Variants in RIT2 observed in about 807,000 individuals in gnomAD.
RIT2 encodes GTP-binding protein Rit2.
In RIT2, 24 loss-of-function variants were observed where a neutral mutation model predicts 23.7. That is an observed-to-expected ratio of 1.01 (90% CI 0.73 to 1.43). The LOEUF (loss-of-function observed/expected upper bound fraction) is 1.43, where lower values mean the gene tolerates loss of function less well. RIT2 is among the 40% of genes most tolerant of loss of function. The probability of loss-of-function intolerance (pLI) is 0.00; values close to 1 mark genes in which losing one functional copy is unlikely to be tolerated. For missense variants in RIT2, 236 were observed against 266.9 expected (o/e 0.88, Z 0.81); for synonymous variants, 107 against 91.1 (o/e 1.17, Z -0.99).
chr18:42,971,552 T>C (rs1910361614), intron 3 of RIT2, among the ~76,000 whole-genome samples: 1 of 152,080 alleles, frequency 6.6e-6, no homozygotes, highest in South Asian at 2.1e-4. Context: ...TAATATTCTG[T>C]ATTGCTCAGC....
intron 4 of RIT2, among the ~76,000 whole-genome samples, chr18:42,836,771 A>T (rs58923762): frequency 6.6e-6 from 1 of 152,154 alleles, no homozygotes; most frequent in Admixed American, 6.6e-5. Context: ...CCTGTTTCCC[A>T]TCTCCCTTCA....
At chr18:42,836,886 T>C (rs1906619548) in intron 4 of RIT2, among the ~76,000 whole-genome samples, 2 of 152,078 alleles carry the variant, frequency 1.3e-5, no homozygotes. Context: ...CTCTCGAGAA[T>C]ACTGCTCCTG....
In RIT2 at chr18:42,923,656, T is replaced by C. The variant is rs866470749; in HGVS notation, c.342A>G (p.Lys114=). Residue 114 remains lysine (K), a synonymous_variant, in exon 4 of 5, where the codon AAA becomes AAG. Coordinates refer to ENST00000326695, the MANE Select transcript of RIT2 (RefSeq NM_002930.4). ...TGTGGCGGACCTGAAAAATGAGCTC[T>C]TTAAACTTGGCAGCCTCCTGAAATG... The part of the protein sequence containing the change: ...RQSFQEAAKF[K]ELIFQVRHTY... 16 of 1,613,386 alleles carry C rather than the reference T, an allele frequency of 9.9e-6. No individual in the cohort carries two copies. In the African/African-American group the frequency reaches 2.1e-4, roughly 22 times the overall value.
chr18:42,966,392 A>G (rs565350759), intron 3 of RIT2, among the ~76,000 whole-genome samples: 5 of 152,172 alleles, frequency 3.3e-5, no homozygotes, highest in Non-Finnish European at 7.4e-5. Flanking sequence ...TACTTTAGAG[A>G]ATCTTGGTAG....
intron 2 of RIT2, among the ~76,000 whole-genome samples, chr18:43,021,275 C>T (rs961719315): frequency 1.1e-4 from 17 of 151,852 alleles, no homozygotes; most frequent in Admixed American, 8.5e-4. Context: ...AAGAAGTATA[C>T]GAAGAAATGC....
intron 4 of RIT2, among the ~76,000 whole-genome samples, chr18:42,769,601 C>T (rs1398139297): frequency 6.6e-6 from 1 of 151,882 alleles, no homozygotes; most frequent in Non-Finnish European, 1.5e-5. Flanking sequence ...AAAGCAAAAA[C>T]AAAAATTTTG....
chr18:42,925,334 G>C (rs534879003), intron 3 of RIT2, among the ~76,000 whole-genome samples: 79 of 152,004 alleles, frequency 5.2e-4, no homozygotes, highest in Non-Finnish European at 9.3e-4. Context: ...TAATTGACAG[G>C]ACTTGACTAG....
chr18:42,995,143 T>C (rs1043576233), intron 2 of RIT2, among the ~76,000 whole-genome samples: 8 of 152,190 alleles, frequency 5.3e-5, no homozygotes, highest in Non-Finnish European at 1.5e-5. Context: ...AGGCAGGCTA[T>C]GCTACAGTAC....
At chr18:43,050,830 A>G (rs540543771) in intron 1 of RIT2, among the ~76,000 whole-genome samples, 2 of 152,256 alleles carry the variant, frequency 1.3e-5, no homozygotes, top group Non-Finnish European at 1.5e-5. Context: ...CCTGGAGGAC[A>G]GCACACCGAG....
At position 42,856,930 on chromosome 18, in the gene RIT2, G is replaced by T. The variant is rs572633860; in HGVS notation, c.426+66642C>A. Among the ~76,000 whole-genome samples the T allele has an allele frequency of 1.2e-3, 169 of 145,572 alleles. 1 individual carries two copies. The highest frequency in any genetic ancestry group is 6.9e-3 in the Admixed American group (96 of 13,872). On this transcript the variant is annotated intron_variant, in intron 4 of 4. Transcript: ENST00000326695. ...CTGAAAGCTCCGCCTCCCAGTTCAC[G>T]CTGTTCTCCTGCCTCAGCCTCCGGA...
chr18:42,938,517 G>A (rs1909517515), intron 3 of RIT2, among the ~76,000 whole-genome samples: 1 of 152,044 alleles, frequency 6.6e-6, no homozygotes, highest in Admixed American at 6.6e-5. Context: ...GTCCTTTAAA[G>A]CTGTTGAAGG....
At chr18:43,059,342 G>A (rs948878126) in intron 1 of RIT2, among the ~76,000 whole-genome samples, 2 of 152,074 alleles carry the variant, frequency 1.3e-5, no homozygotes, top group Admixed American at 6.6e-5. Context: ...GCTATCATAA[G>A]GTAGAAGCAG....
chr18:42,995,836 C>A (rs975671861), intron 2 of RIT2, among the ~76,000 whole-genome samples: 10 of 152,140 alleles, frequency 6.6e-5, no homozygotes, highest in African/African-American at 2.2e-4. Context: ...AACTTGTCAT[C>A]TCTACTATCT....
At chr18:42,767,887 C>T (rs1913461892) in intron 4 of RIT2, among the ~76,000 whole-genome samples, 1 of 152,064 alleles carries the variant, frequency 6.6e-6, no homozygotes, top group African/African-American at 2.4e-5. Flanking sequence ...CTCTTGCCAC[C>T]ACCATGTAAG....
At chr18:42,892,936 C>A (rs1188360460) in intron 4 of RIT2, among the ~76,000 whole-genome samples, 1 of 152,138 alleles carries the variant, frequency 6.6e-6, no homozygotes, top group East Asian at 1.9e-4. Context: ...ATTACCTCAA[C>A]CTCTATCCAG....
intron 2 of RIT2, among the ~76,000 whole-genome samples, chr18:43,027,414 A>G (rs1278638411): frequency 6.6e-6 from 1 of 152,076 alleles, no homozygotes; most frequent in African/African-American, 2.4e-5. Flanking sequence ...TTTGAGCAAG[A>G]TTTTTGATTT....
chr18:42,856,509 C>A (rs1907185188), intron 4 of RIT2, among the ~76,000 whole-genome samples: 1 of 152,158 alleles, frequency 6.6e-6, no homozygotes, highest in African/African-American at 2.4e-5. Flanking sequence ...CATTTGTATG[C>A]CTTTTCTCCA....
At chr18:42,954,353 G>T (rs1215639561) in intron 3 of RIT2, among the ~76,000 whole-genome samples, 4 of 139,682 alleles carry the variant, frequency 2.9e-5, no homozygotes, top group African/African-American at 8.3e-5. Flanking sequence ...TCCAGCCTAG[G>T]CAATGAGTGA....
intron 4 of RIT2, among the ~76,000 whole-genome samples, chr18:42,906,288 C>T (rs1213940302): frequency 6.6e-6 from 1 of 151,858 alleles, no homozygotes; most frequent in African/African-American, 2.4e-5. Flanking sequence ...TTCTTTTCTT[C>T]TCAAAGTAAA....
Sources: gnomAD v4.1 joint callset for allele counts (sites outside exome capture counted in the v4.1 genomes callset) on GRCh38, gnomAD v4.1.1 for gene constraint, MANE v1.5 for transcripts, NCBI Gene and HGNC (gene_info 2026-07-23, HGNC 2026-07-21) for gene names.